The following RBFOX1 variants were observed in gnomAD, a reference collection of about 807,000 sequenced individuals.
RBFOX1 encodes RNA binding protein fox-1 homolog 1.
A neutral mutation model predicts 57.7 loss-of-function variants in RBFOX1; 8 were observed. That is an observed-to-expected ratio of 0.14 (90% CI 0.08 to 0.25). The LOEUF (loss-of-function observed/expected upper bound fraction) is 0.25. RBFOX1 is among the 10% of genes least tolerant of loss of function. RBFOX1 has a pLI of 1.00. For synonymous variants in RBFOX1, 326 were observed against 222.4 expected (o/e 1.47, Z -4.15); for missense variants, 611 against 548.5 (o/e 1.11, Z -1.14).
intron 4 of RBFOX1, among the ~76,000 whole-genome samples, chr16:7,246,763 A>G (rs778581886): frequency 2.6e-5 from 4 of 151,204 alleles, no homozygotes; most frequent in Non-Finnish European, 5.9e-5. Flanking sequence ...GACAGCGCCT[A>G]CGTAGCACAT....
chr16:5,322,499 C>T (rs569022553), intron 1 of RBFOX1, among the ~76,000 whole-genome samples: 202 of 152,272 alleles, frequency 1.3e-3, no homozygotes, highest in Non-Finnish European at 2.1e-3. Context: ...TGATGGCATC[C>T]GTCCTTTCTT....
chr16:5,382,657 C>T (rs774173036), intron 1 of RBFOX1, among the ~76,000 whole-genome samples: 1 of 152,210 alleles, frequency 6.6e-6, no homozygotes. Flanking sequence ...GCTGCCTGAA[C>T]AGCTTCAATG....
chr16:7,266,241 CT>C (rs1001288649), intron 4 of RBFOX1, among the ~76,000 whole-genome samples: 2 of 151,974 alleles, frequency 1.3e-5, no homozygotes, highest in African/African-American at 4.8e-5. Context: ...TCCCAAAGTG[CT>C]GGGATTACAG....
intron 2 of RBFOX1, among the ~76,000 whole-genome samples, chr16:6,608,240 T>C (rs2097975715): frequency 6.6e-6 from 1 of 152,216 alleles, no homozygotes; most frequent in South Asian, 2.1e-4. Flanking sequence ...TTGGTTTGTG[T>C]TATAATCATT....
intron 1 of RBFOX1, among the ~76,000 whole-genome samples, chr16:5,322,753 A>T (rs1476889957): frequency 6.6e-6 from 1 of 152,180 alleles, no homozygotes; most frequent in Non-Finnish European, 1.5e-5. Context: ...TCTGACCCAC[A>T]GTTTACAATG....
At chr16:5,589,474 C>T (rs929667989) in intron 2 of RBFOX1, among the ~76,000 whole-genome samples, 4 of 152,124 alleles carry the variant, frequency 2.6e-5, no homozygotes, top group African/African-American at 4.8e-5. Flanking sequence ...GTCCATCTTC[C>T]AGAGGAAGAA....
intron 4 of RBFOX1, among the ~76,000 whole-genome samples, chr16:5,918,717 C>A (rs761114157): frequency 6.6e-6 from 1 of 152,188 alleles, no homozygotes; most frequent in Non-Finnish European, 1.5e-5. Flanking sequence ...ACAAAGTACC[C>A]ACTAGGACTG....
At chr16:5,598,952 G>C (rs1302190661) in exon 3 of RBFOX1, 1 of 1,532,748 alleles carries the variant, frequency 6.5e-7, no homozygotes, top group Non-Finnish European at 8.7e-7. Flanking sequence ...AGAACAGCCT[G>C]CAAGACTCCG....
rs1368142083 is a variant in RBFOX1, at chr16:6,019,201, C to G, written c.-918C>G. 1.7e-5 allele frequency: 17 copies of G among 985,226 alleles called. No homozygotes were observed. The highest frequency in any genetic ancestry group is 1.1e-4 in the East Asian group (1 of 8,754). The allele number at this position is 985,226 out of a possible 1,614,324, so 61.0% of individuals were successfully genotyped here. A position where few individuals can be genotyped will look rare whatever the true frequency, so the allele number is the denominator to read the frequency against. ...GATTTCCTCTTTATTCTCTCCCGCCCTCCTACAAGCGCTCTTGCTGGCCGT... is the reference window on the plus strand; with the variant it reads ...GATTTCCTCTTTATTCTCTCCCGCCGTCCTACAAGCGCTCTTGCTGGCCGT... On this transcript the variant is annotated 5_prime_UTR_variant, in exon 1 of 16. Transcript: ENST00000550418. This position sits in a 1 kb window ranked among gnomAD's most constrained non-coding sequence, Gnocchi z 4.2.
intron 3 of RBFOX1, among the ~76,000 whole-genome samples, chr16:6,968,998 C>T (rs1430475919): frequency 1.3e-5 from 2 of 152,134 alleles, no homozygotes; most frequent in East Asian, 1.9e-4. Context: ...GATATCTGAG[C>T]AAAGTCAGAA....
chr16:6,084,266 C>A (rs4786812), intron 1 of RBFOX1, among the ~76,000 whole-genome samples: 4,193 of 152,070 alleles, frequency 0.028, 98 homozygotes, highest in Admixed American at 0.056. Flanking sequence ...TTTTTTGAGA[C>A]AGTGTCTTGC....
intron 2 of RBFOX1, among the ~76,000 whole-genome samples, chr16:5,545,133 T>G (rs1325822374): frequency 1.3e-5 from 2 of 151,962 alleles, no homozygotes; most frequent in Non-Finnish European, 2.9e-5. Flanking sequence ...CCTGCCACCA[T>G]GCCTGGCTAA....
At chr16:5,786,418 C>T (rs2054501918) in intron 3 of RBFOX1, among the ~76,000 whole-genome samples, 1 of 151,674 alleles carries the variant, frequency 6.6e-6, no homozygotes, top group Admixed American at 6.6e-5. Context: ...TGTGTCTCTA[C>T]CACTAGGAGG....
At chr16:5,382,034 C>T (rs1036258058) in intron 1 of RBFOX1, among the ~76,000 whole-genome samples, 2 of 152,208 alleles carry the variant, frequency 1.3e-5, no homozygotes, top group South Asian at 2.1e-4. Context: ...CCGAAAATGT[C>T]TCCAGACATT....
At chr16:6,034,988 AT>A (rs1302833878) in intron 1 of RBFOX1, among the ~76,000 whole-genome samples, 1 of 84,412 alleles carries the variant, frequency 1.2e-5, no homozygotes, top group East Asian at 2.7e-4. Flanking sequence ...TTGAGTTACA[AT>A]GAGTTTAATG....
At chr16:7,001,903 G>C (rs12933869) in intron 3 of RBFOX1, among the ~76,000 whole-genome samples, 1 of 151,972 alleles carries the variant, frequency 6.6e-6, no homozygotes, top group Admixed American at 6.6e-5. Context: ...TAGTAAGCGG[G>C]GGTCCCCAAA....
intron 1 of RBFOX1, among the ~76,000 whole-genome samples, chr16:6,033,160 A>G (rs369550689): frequency 7.9e-5 from 12 of 152,322 alleles, no homozygotes; most frequent in African/African-American, 2.9e-4. Context: ...GTTTGGATCA[A>G]AAATGAGGGC....
chr16:5,689,852 G>T (rs961000229), intron 3 of RBFOX1, among the ~76,000 whole-genome samples: 1 of 152,078 alleles, frequency 6.6e-6, no homozygotes, highest in Non-Finnish European at 1.5e-5. Flanking sequence ...ATGTATTATG[G>T]TAATCACAAG....
At chr16:5,626,559 C>G (rs1360184824) in intron 3 of RBFOX1, among the ~76,000 whole-genome samples, 1 of 152,106 alleles carries the variant, frequency 6.6e-6, no homozygotes, top group South Asian at 2.1e-4. Context: ...GGACCCTAAC[C>G]AAAAAGATCC....
Sources: allele counts gnomAD v4.1 joint callset (sites outside exome capture counted in the v4.1 genomes callset), GRCh38; gene constraint gnomAD v4.1.1; non-coding constraint Gnocchi (gnomAD v3.1); transcripts MANE v1.5; gene names NCBI Gene and HGNC (gene_info 2026-07-23, HGNC 2026-07-21).